Variants in ZNF624 observed in about 807,000 individuals in gnomAD.
ZNF624 encodes the protein zinc finger protein 624.
Under a neutral mutation model 74.7 loss-of-function variants are expected in ZNF624, and 43 were observed. That is an observed-to-expected ratio of 0.58 (90% CI 0.45 to 0.74). The LOEUF (loss-of-function observed/expected upper bound fraction) is 0.74. ZNF624 is among the 30% of genes least tolerant of loss of function. ZNF624 has a pLI of 0.00. For synonymous variants in ZNF624, 331 were observed against 341.3 expected (o/e 0.97, Z 0.33); for missense variants, 820 against 1,030.0 (o/e 0.80, Z 2.79).
At chr17:16,634,083 T>C (rs9911677) in intron 4 of ZNF624, 126 bp from the exon 5 acceptor site, 159,289 of 607,218 alleles carry the variant, frequency 0.26, 25,422 homozygotes, top group African/African-American at 0.6. Flanking sequence ...CTGCACTGTC[T>C]GATACAGTTG....
intron 3 of ZNF624, among the ~76,000 whole-genome samples, chr17:16,639,134 T>C (rs1909408964): frequency 6.6e-6 from 1 of 152,226 alleles, no homozygotes; most frequent in South Asian, 2.1e-4. Context: ...CTTGTAATCA[T>C]TCTGATCCAT....
intron 5 of ZNF624, among the ~76,000 whole-genome samples, chr17:16,628,637 G>C (rs544362300): frequency 1.3e-5 from 2 of 152,170 alleles, no homozygotes; most frequent in African/African-American, 4.8e-5. Flanking sequence ...CGTTAGAAAA[G>C]CAGAAGAGAC....
downstream of ZNF624, among the ~76,000 whole-genome samples, chr17:16,616,515 A>G (rs138053010): frequency 6.6e-6 from 1 of 152,348 alleles, no homozygotes; most frequent in East Asian, 1.9e-4. Flanking sequence ...TAAAACAACA[A>G]AAAAACCCTG....
intron 1 of ZNF624, among the ~76,000 whole-genome samples, chr17:16,652,037 G>A (rs140398121): frequency 6.6e-6 from 1 of 152,004 alleles, no homozygotes; most frequent in Non-Finnish European, 1.5e-5. Flanking sequence ...TGGGAGGGGG[G>A]TGGAGAATAA....
chr17:16,630,920 G>GTT (rs1211163229), intron 5 of ZNF624, among the ~76,000 whole-genome samples: 1 of 151,998 alleles, frequency 6.6e-6, no homozygotes, highest in African/African-American at 2.4e-5. Context: ...AGAATAAGCT[G>GTT]TAAGTATACA....
At chr17:16,634,603 T>A in intron 4 of ZNF624, 27 bp downstream of exon 4, 1 of 1,602,468 alleles carries the variant, frequency 6.2e-7, no homozygotes, top group African/African-American at 1.3e-5. Context: ...GGCAGATCAA[T>A]CAACACAGAA....
chr17:16,645,959 A>AG (rs1395438536), intron 3 of ZNF624, among the ~76,000 whole-genome samples: 1 of 151,378 alleles, frequency 6.6e-6, no homozygotes, highest in African/African-American at 2.4e-5. Context: ...AAAAAAAAAA[A>AG]AAAAAAGAAA....
rs1298479192 is a variant in ZNF624, at chr17:16,649,719, G to A, written c.26C>T (p.Ser9Phe). ...CTCTCCCTCTGGTTTCCCCTCTCTGGAAAGAGTGGAGTCTTGCAAAGACAT... is the reference window on the plus strand; with the variant it reads ...CTCTCCCTCTGGTTTCCCCTCTCTGAAAAGAGTGGAGTCTTGCAAAGACAT... Reference protein sequence around the residue: MSLQDSTLSREGKPEGEIM... With the variant: MSLQDSTLFREGKPEGEIM... The change falls in exon 2 of 6, where the codon TCC becomes TTC. Residue 9 changes from serine to phenylalanine, a missense_variant. Transcript: ENST00000311331. 1.2e-6 allele frequency: 2 copies of A among 1,613,916 alleles called. No individual in the cohort carries two copies. Among genetic ancestry groups the A allele is most frequent in the Non-Finnish European group, 8.5e-7 (1 of 1,179,840 alleles).
intron 3 of ZNF624, among the ~76,000 whole-genome samples, chr17:16,639,182 C>A (rs1909409885): frequency 6.6e-6 from 1 of 152,140 alleles, no homozygotes; most frequent in Admixed American, 6.5e-5. Context: ...GCTGACTACT[C>A]AGGCAAAGAA....
intron 3 of ZNF624, among the ~76,000 whole-genome samples, chr17:16,642,970 A>G (rs1909500754): frequency 6.6e-6 from 1 of 152,214 alleles, no homozygotes; most frequent in Non-Finnish European, 1.5e-5. Context: ...AGATACAGTA[A>G]GCTACCACTT....
intron 5 of ZNF624, among the ~76,000 whole-genome samples, chr17:16,628,518 T>C (rs1347658464): frequency 6.6e-6 from 1 of 152,026 alleles, no homozygotes; most frequent in African/African-American, 2.4e-5. Flanking sequence ...TAACTCAAAC[T>C]ATGGGCTAAG....
At position 16,623,632 on chromosome 17, in the gene ZNF624, A is replaced by G. The variant is rs1908986006; in HGVS notation, c.1254T>C (p.Cys418=). The stretch of plus-strand genomic sequence containing the variant: ...TCCTAAAGGCTTTCCCACAATCATC[A>G]CATTTGTAGGGTTTCTCACCATTGT... The part of the protein sequence containing the change: ...ETHNGEKPYK[C]DDCGKAFRNK... The change falls in exon 6 of 6, where the codon TGT becomes TGC. Residue 418 remains cysteine, a synonymous_variant. Coordinates refer to ENST00000311331, the MANE Select transcript of ZNF624 (RefSeq NM_020787.4). This position sits in a 1 kb window ranked among gnomAD's most constrained non-coding sequence, Gnocchi z 5.3. 1 of 1,610,350 alleles carries G rather than the reference A, an allele frequency of 6.2e-7. No individual in the cohort carries two copies. The highest frequency in any genetic ancestry group is 1.1e-5 in the South Asian group (1 of 90,326).
At chr17:16,617,296 G>T, downstream of ZNF624, 1 of 1,613,680 alleles carries the variant, frequency 6.2e-7, no homozygotes, top group Admixed American at 1.7e-5. Flanking sequence ...TCGAGACCTG[G>T]ATCTGCTTCC....
At chr17:16,636,503 C>T (rs1005986560) in intron 3 of ZNF624, among the ~76,000 whole-genome samples, 2 of 152,028 alleles carry the variant, frequency 1.3e-5, no homozygotes, top group African/African-American at 2.4e-5. Flanking sequence ...TGGTATATAC[C>T]AGCAATATGC....
the ZNF624 span, among the ~76,000 whole-genome samples, chr17:16,615,513 A>G: frequency 6.6e-6 from 1 of 152,210 alleles, no homozygotes; most frequent in Non-Finnish European, 1.5e-5. Context: ...CGTGTATTTT[A>G]TGACAATTTT....
intron 3 of ZNF624, among the ~76,000 whole-genome samples, chr17:16,638,788 A>G (rs1377455200): frequency 2.6e-5 from 4 of 152,180 alleles, no homozygotes; most frequent in African/African-American, 9.7e-5. Context: ...GCACACCAAC[A>G]TGGCACATGT....
chr17:16,619,953 T>A (rs1481127816), downstream of ZNF624, among the ~76,000 whole-genome samples: 1 of 152,240 alleles, frequency 6.6e-6, no homozygotes, highest in Non-Finnish European at 1.5e-5. Flanking sequence ...AAGTGGCACA[T>A]TAACTATCCT....
chr17:16,645,398 T>A (rs1909564513), intron 3 of ZNF624, among the ~76,000 whole-genome samples: 1 of 152,118 alleles, frequency 6.6e-6, no homozygotes, highest in African/African-American at 2.4e-5. Context: ...TTGTTGTTGG[T>A]AAATTAAGTT....
At chr17:16,616,835 A>T, downstream of ZNF624, 1 of 1,113,924 alleles carries the variant, frequency 9.0e-7, no homozygotes, top group Admixed American at 2.3e-5. Flanking sequence ...GCAGACAACA[A>T]GAGAGTTCTG....
Sources: allele counts gnomAD v4.1 joint callset (sites outside exome capture counted in the v4.1 genomes callset), GRCh38; gene constraint gnomAD v4.1.1; non-coding constraint Gnocchi (gnomAD v3.1); transcripts MANE v1.5; gene names NCBI Gene and HGNC (gene_info 2026-07-23, HGNC 2026-07-21).